The following ATP8B4 variants were observed in gnomAD, a reference collection of about 807,000 sequenced individuals.
ATP8B4 encodes the protein probable phospholipid-transporting ATPase IM.
Under a neutral mutation model 145.6 loss-of-function variants are expected in ATP8B4, and 133 were observed. The observed-to-expected ratio is 0.91, with a 90% CI of 0.79 to 1.05. ATP8B4 has a LOEUF of 1.05. Among genes scored for constraint, ATP8B4 ranks in the 50% least tolerant of loss-of-function variants. ATP8B4 has a pLI of 0.00. For synonymous variants in ATP8B4, 507 were observed against 492.9 expected (o/e 1.03, Z -0.38); for missense variants, 1,458 against 1,425.2 (o/e 1.02, Z -0.37).
chr15:50,004,911 A>T (rs1354069101), intron 7 of ATP8B4, among the ~76,000 whole-genome samples: 1 of 152,196 alleles, frequency 6.6e-6, no homozygotes, highest in Non-Finnish European at 1.5e-5. Flanking sequence ...CTATGAAAGG[A>T]GTGCAAATGA....
intron 12 of ATP8B4, among the ~76,000 whole-genome samples, chr15:49,979,164 G>C (rs1178167516): frequency 6.6e-6 from 1 of 152,042 alleles, no homozygotes. Context: ...TGAGGGAACT[G>C]AGGCACTAGA....
intron 1 of ATP8B4, among the ~76,000 whole-genome samples, chr15:50,170,825 A>G (rs28870818): frequency 6.6e-6 from 1 of 152,214 alleles, no homozygotes; most frequent in African/African-American, 2.4e-5. Flanking sequence ...CACCTAACAC[A>G]TAAGGACTCA....
chr15:50,114,105 T>TTC (rs1396097121), intron 1 of ATP8B4, among the ~76,000 whole-genome samples: 15 of 129,850 alleles, frequency 1.2e-4, no homozygotes, highest in Middle Eastern at 3.7e-3. Flanking sequence ...CCTAGTTTCT[T>TTC]TTTTTTTTTT....
chr15:50,056,350 G>C (rs901559120), intron 3 of ATP8B4, among the ~76,000 whole-genome samples: 18 of 152,310 alleles, frequency 1.2e-4, no homozygotes, highest in Admixed American at 1.0e-3. Context: ...GTTGTGGAGA[G>C]AGAGGCAGGA....
At chr15:49,976,007 A>T (rs931859530) in intron 12 of ATP8B4, among the ~76,000 whole-genome samples, 8 of 152,152 alleles carry the variant, frequency 5.3e-5, no homozygotes, top group Non-Finnish European at 5.9e-5. Context: ...ATGACACTCA[A>T]ATCCTTTCTG....
chr15:50,108,215 C>G (rs144671789), intron 1 of ATP8B4, among the ~76,000 whole-genome samples: 3 of 152,146 alleles, frequency 2.0e-5, no homozygotes, highest in Admixed American at 6.5e-5. Context: ...TCTACTCCCC[C>G]ACCCCAGCCC....
In ATP8B4 at chr15:50,062,233, C is replaced by G. The variant is rs188493540; in HGVS notation, c.87+11894G>C. On this transcript the variant is annotated intron_variant, in intron 3 of 27. Transcript: ENST00000284509. The stretch of plus-strand genomic sequence containing the variant: ...CATGAGGGCAGTTTCTAAGGGATGG[C>G]TTATCACCATCCCCCTTGGTACTGT... Among the ~76,000 whole-genome samples, 4 of 152,290 alleles carry G rather than the reference C, an allele frequency of 2.6e-5. No individual in the cohort carries two copies. In the East Asian group the frequency reaches 7.7e-4, roughly 29 times the overall value.
At chr15:50,105,824 A>G (rs893983210) in intron 2 of ATP8B4, among the ~76,000 whole-genome samples, 2 of 152,220 alleles carry the variant, frequency 1.3e-5, no homozygotes, top group Non-Finnish European at 2.9e-5. Flanking sequence ...GTCAGAACAC[A>G]TCAAAAGTTT....
chr15:50,054,206 C>T (rs2052405193), intron 3 of ATP8B4, among the ~76,000 whole-genome samples: 1 of 152,182 alleles, frequency 6.6e-6, no homozygotes, highest in Non-Finnish European at 1.5e-5. Flanking sequence ...GTTCATGCTA[C>T]TTGCCCAACA....
chr15:50,036,617 G>T (rs1005037322), intron 6 of ATP8B4, among the ~76,000 whole-genome samples: 2 of 152,144 alleles, frequency 1.3e-5, no homozygotes, highest in African/African-American at 4.8e-5. Flanking sequence ...GCTAATGATG[G>T]GATTTAGCAA....
At chr15:49,932,852 C>A (rs1011053894) in intron 15 of ATP8B4, among the ~76,000 whole-genome samples, 3 of 151,982 alleles carry the variant, frequency 2.0e-5, no homozygotes, top group African/African-American at 7.2e-5. Context: ...GACACCCATG[C>A]CCCCTTGAAG....
chr15:49,966,075 G>A (rs960789944), intron 13 of ATP8B4, among the ~76,000 whole-genome samples: 3 of 152,140 alleles, frequency 2.0e-5, no homozygotes, highest in African/African-American at 4.8e-5. Flanking sequence ...CATGAAGAAC[G>A]GTGCATTCCA....
At chr15:49,914,648 A>G (rs916197146) in intron 20 of ATP8B4, among the ~76,000 whole-genome samples, 4 of 152,100 alleles carry the variant, frequency 2.6e-5, no homozygotes, top group African/African-American at 9.7e-5. Context: ...TCCCATTAAA[A>G]AGCAAAGAAC....
intron 14 of ATP8B4, among the ~76,000 whole-genome samples, chr15:49,958,209 T>C (rs1274419574): frequency 4.0e-5 from 6 of 151,388 alleles, no homozygotes. Context: ...AATAATCATA[T>C]AAAAATAAAA....
rs533049489 is a variant in ATP8B4, at chr15:49,923,301, C to G, written c.1758+78G>C. On this transcript the variant is annotated intron_variant, in intron 17 of 27. Transcript: ENST00000284509. Reference sequence around the variant, plus strand: ...TTTCAGTAGTCAAATCATCTAGCTGCTATTTTTTTTAAACAAGACCTAACC... The same window carrying G: ...TTTCAGTAGTCAAATCATCTAGCTGGTATTTTTTTTAAACAAGACCTAACC... 5.1e-6 allele frequency: 5 copies of G among 974,168 alleles called. No homozygotes were observed. The African/African-American group carries it at 8.4e-5, about 16-fold the overall frequency. The allele number at this position is 974,168 out of a possible 1,614,324, so 60.3% of individuals were successfully genotyped here. A position where few individuals can be genotyped will look rare whatever the true frequency, so the allele number is the denominator to read the frequency against.
chr15:49,905,059 A>G (rs1257760836), intron 20 of ATP8B4, among the ~76,000 whole-genome samples: 1 of 152,254 alleles, frequency 6.6e-6, no homozygotes, highest in Non-Finnish European at 1.5e-5. Flanking sequence ...ATTTTCTGAG[A>G]AACCATAGCA....
intron 1 of ATP8B4, among the ~76,000 whole-genome samples, chr15:50,140,750 C>T (rs1480731966): frequency 1.3e-5 from 2 of 152,180 alleles, no homozygotes; most frequent in African/African-American, 4.8e-5. Context: ...TAAACATCCA[C>T]CTGAATAAAT....
At chr15:50,138,424 GAGAT>G (rs1567403106) in intron 1 of ATP8B4, among the ~76,000 whole-genome samples, 20 of 126,104 alleles carry the variant, frequency 1.6e-4, no homozygotes, top group Middle Eastern at 3.7e-3. Flanking sequence ...GATAGATAGA[GAGAT>G]AGACAGACAG....
At chr15:50,169,760 A>G (rs999314748) in intron 1 of ATP8B4, among the ~76,000 whole-genome samples, 2 of 151,974 alleles carry the variant, frequency 1.3e-5, no homozygotes, top group African/African-American at 2.4e-5. Flanking sequence ...ACAAAGCCCA[A>G]TGCATGGAAA....
Sources: gnomAD v4.1 joint callset for allele counts (sites outside exome capture counted in the v4.1 genomes callset) on GRCh38, gnomAD v4.1.1 for gene constraint, MANE v1.5 for transcripts, NCBI Gene and HGNC (gene_info 2026-07-23, HGNC 2026-07-21) for gene names.